The following PTPRO variants were observed in gnomAD, a reference collection of about 807,000 sequenced individuals.
PTPRO encodes receptor-type tyrosine-protein phosphatase O.
PTPRO carries 62 observed loss-of-function variants against 145.2 expected under a neutral mutation model. That is an observed-to-expected ratio of 0.43 (90% CI 0.35 to 0.53). The LOEUF (loss-of-function observed/expected upper bound fraction) is 0.53. PTPRO is among the 20% of genes least tolerant of loss of function. The probability of loss-of-function intolerance (pLI) is 0.01; values close to 1 mark genes in which losing one functional copy is unlikely to be tolerated. For synonymous variants in PTPRO, 565 were observed against 514.7 expected, an observed-to-expected ratio of 1.10 and a Z score of -1.32; for missense variants, 1,345 against 1,482.7, an observed-to-expected ratio of 0.91 and a Z score of 1.53.
chr12:15,332,210 A>T (rs1866633911), intron 1 of PTPRO, among the ~76,000 whole-genome samples: 1 of 152,064 alleles, frequency 6.6e-6, no homozygotes, highest in Non-Finnish European at 1.5e-5. Flanking sequence ...CAGGAGAATA[A>T]TGAATATGCT....
intron 1 of PTPRO, among the ~76,000 whole-genome samples, chr12:15,443,828 A>G (rs1020456380): frequency 6.6e-6 from 1 of 152,172 alleles, no homozygotes; most frequent in Non-Finnish European, 1.5e-5. Context: ...CTAAAACATC[A>G]GTAAACAACA....
chr12:15,447,164 C>A (rs1333058339), intron 1 of PTPRO, among the ~76,000 whole-genome samples: 2 of 152,088 alleles, frequency 1.3e-5, no homozygotes, highest in Non-Finnish European at 2.9e-5. Context: ...TCTGACCACA[C>A]AACTATTATG....
chr12:15,557,685 T>C (rs570842032), intron 16 of PTPRO, among the ~76,000 whole-genome samples, 162 bp downstream of exon 16: 4 of 152,248 alleles, frequency 2.6e-5, no homozygotes, highest in African/African-American at 4.8e-5. Flanking sequence ...ATATAATGGT[T>C]TATATAAGCT....
At chr12:15,404,130 A>G (rs980459071) in intron 1 of PTPRO, among the ~76,000 whole-genome samples, 3 of 143,066 alleles carry the variant, frequency 2.1e-5, no homozygotes, top group East Asian at 2.1e-4. Context: ...TGGAGCTTGC[A>G]GTGAGCCGAG....
chr12:15,420,667 ATGTTAT>A (rs1940119808), intron 1 of PTPRO, among the ~76,000 whole-genome samples: 1 of 148,116 alleles, frequency 6.8e-6, no homozygotes, highest in South Asian at 2.1e-4. Context: ...ATTATATCAC[ATGTTAT>A]TATAACTACA....
chr12:15,419,997 A>C (rs1175664850), intron 1 of PTPRO, among the ~76,000 whole-genome samples: 1 of 151,340 alleles, frequency 6.6e-6, no homozygotes, highest in Non-Finnish European at 1.5e-5. Context: ...AATACAAAAA[A>C]TTAGCTGGGC....
intron 1 of PTPRO, among the ~76,000 whole-genome samples, chr12:15,478,835 G>A (rs980382461): frequency 1.3e-5 from 2 of 151,800 alleles, no homozygotes. Context: ...CCACGCCCGG[G>A]TAATTTTTTG....
intron 9 of PTPRO, 123 bp downstream of exon 9, chr12:15,517,079 A>G: frequency 1.0e-6 from 1 of 968,474 alleles, no homozygotes; most frequent in Non-Finnish European, 1.6e-6. Context: ...ATAGTGTGTT[A>G]GTTCATTTTC....
At chr12:15,470,084 T>C (rs1264438683) in intron 1 of PTPRO, among the ~76,000 whole-genome samples, 2 of 152,196 alleles carry the variant, frequency 1.3e-5, no homozygotes, top group South Asian at 2.1e-4. Flanking sequence ...GTTTTTTTCA[T>C]GATGCTACAC....
At chr12:15,329,541 C>T (rs1866547189) in intron 1 of PTPRO, among the ~76,000 whole-genome samples, 1 of 152,128 alleles carries the variant, frequency 6.6e-6, no homozygotes, top group African/African-American at 2.4e-5. Flanking sequence ...CAATCTTTCC[C>T]CAATGCCAAA....
chr12:15,503,769 A>G, intron 5 of PTPRO, 139 bp from the exon 6 acceptor site: 1 of 629,212 alleles, frequency 1.6e-6, no homozygotes, highest in South Asian at 2.0e-5. Flanking sequence ...TGGTACCTTT[A>G]GTTTAGAGGT....
At chr12:15,493,160 C>T (rs887374092) in intron 2 of PTPRO, among the ~76,000 whole-genome samples, 1 of 152,026 alleles carries the variant, frequency 6.6e-6, no homozygotes, top group African/African-American at 2.4e-5. Context: ...TTCCCTTCTG[C>T]AATAACTGGT....
At chr12:15,344,397 C>T (rs1221421946) in intron 1 of PTPRO, among the ~76,000 whole-genome samples, 2 of 152,128 alleles carry the variant, frequency 1.3e-5, no homozygotes, top group African/African-American at 4.8e-5. Context: ...TCTACTAGAC[C>T]TCCCTATACA....
intron 1 of PTPRO, among the ~76,000 whole-genome samples, chr12:15,415,343 C>T (rs1220595271): frequency 1.3e-5 from 2 of 151,926 alleles, no homozygotes; most frequent in South Asian, 2.1e-4. Context: ...GTTCCTCTCT[C>T]CACTTTTCCT....
At chr12:15,469,615 C>T (rs1447556009) in intron 1 of PTPRO, among the ~76,000 whole-genome samples, 1 of 152,048 alleles carries the variant, frequency 6.6e-6, no homozygotes, top group Non-Finnish European at 1.5e-5. Flanking sequence ...CAGGTGAGCT[C>T]AGGCTGTCAT....
intron 25 of PTPRO, among the ~76,000 whole-genome samples, chr12:15,591,963 A>G (rs1449628242): frequency 1.3e-5 from 2 of 152,190 alleles, no homozygotes; most frequent in Non-Finnish European, 2.9e-5. Flanking sequence ...TGGGGAGTTC[A>G]AAGTCAGCAA....
chr12:15,442,945 C>A (rs1940809334), intron 1 of PTPRO, among the ~76,000 whole-genome samples: 1 of 152,112 alleles, frequency 6.6e-6, no homozygotes, highest in African/African-American at 2.4e-5. Flanking sequence ...CTACCAACAT[C>A]ATTTTTCACA....
intron 19 of PTPRO, among the ~76,000 whole-genome samples, chr12:15,578,242 A>G (rs1944230019): frequency 6.6e-6 from 1 of 152,200 alleles, no homozygotes; most frequent in African/African-American, 2.4e-5. Context: ...AGATTTCTTC[A>G]GAGAATAGGA....
chr12:15,337,369 A>T (rs1303762581), intron 1 of PTPRO: 1 of 152,220 alleles, frequency 6.6e-6, no homozygotes, highest in African/African-American at 2.4e-5. Flanking sequence ...GTAATTTATC[A>T]TACCAACCGG....
Sources: gnomAD v4.1 joint callset for allele counts (sites outside exome capture counted in the v4.1 genomes callset) on GRCh38, gnomAD v4.1.1 for gene constraint, MANE v1.5 for transcripts, NCBI Gene and HGNC (gene_info 2026-07-23, HGNC 2026-07-21) for gene names.